The following YAP1 variants were observed in gnomAD, a reference collection of about 807,000 sequenced individuals.
The protein encoded by YAP1 is Yes1 associated transcriptional regulator, also known as transcriptional coactivator YAP1.
In YAP1, 5 loss-of-function variants were observed where a neutral mutation model predicts 56.9. The ratio of observed to expected loss-of-function variants is 0.09; its 90% CI spans 0.05 to 0.18. YAP1 has a LOEUF of 0.18. Ranked by LOEUF, YAP1 falls within the 10% of genes least tolerant of loss-of-function variation. The probability of loss-of-function intolerance (pLI) is 1.00; values close to 1 mark genes in which losing one functional copy is unlikely to be tolerated. For missense variants in YAP1, 539 were observed against 651.8 expected, an observed-to-expected ratio of 0.83 and a Z score of 1.88; for synonymous variants, 265 against 248.1, an observed-to-expected ratio of 1.07 and a Z score of -0.64.
chr11:102,156,212 T>G (rs1945935080), intron 2 of YAP1, among the ~76,000 whole-genome samples: 1 of 152,216 alleles, frequency 6.6e-6, no homozygotes, highest in Non-Finnish European at 1.5e-5. Flanking sequence ...CAGTAGAATA[T>G]GAGAAAACCA....
At chr11:102,114,665 A>T (rs1372043602) in intron 2 of YAP1, among the ~76,000 whole-genome samples, 1 of 152,176 alleles carries the variant, frequency 6.6e-6, no homozygotes. Context: ...GGTTATTCTC[A>T]TTTTGAGCTT....
At chr11:102,144,875 CACA>C (rs1945233893) in intron 2 of YAP1, among the ~76,000 whole-genome samples, 1 of 44,562 alleles carries the variant, frequency 2.2e-5, no homozygotes, top group South Asian at 1.7e-3. Context: ...CACACACACA[CACA>C]TACACACACT....
At chr11:102,160,491 G>A (rs374610573) in intron 2 of YAP1, among the ~76,000 whole-genome samples, 1 of 152,188 alleles carries the variant, frequency 6.6e-6, no homozygotes, top group Non-Finnish European at 1.5e-5. Flanking sequence ...CAGAGTTTAT[G>A]TGCTAGTTCT....
At chr11:102,162,731 G>A (rs1275192204) in intron 3 of YAP1, among the ~76,000 whole-genome samples, 160 bp downstream of exon 3, 5 of 152,162 alleles carry the variant, frequency 3.3e-5, no homozygotes, top group African/African-American at 9.7e-5. Context: ...TTAAAATAAC[G>A]TAAGCTATAT....
chr11:102,154,110 A>G (rs1188112291), intron 2 of YAP1, among the ~76,000 whole-genome samples: 2 of 152,210 alleles, frequency 1.3e-5, no homozygotes, highest in South Asian at 2.1e-4. Flanking sequence ...ATTTCATAGT[A>G]TAATGGAATT....
intron 1 of YAP1, among the ~76,000 whole-genome samples, chr11:102,112,037 T>A (rs530970630): frequency 6.6e-6 from 1 of 152,222 alleles, no homozygotes; most frequent in African/African-American, 2.4e-5. Context: ...TGTAGACTAT[T>A]ATTTACAGTC....
At chr11:102,221,219 G>A (rs2135689132) in intron 6 of YAP1, among the ~76,000 whole-genome samples, 1 of 152,328 alleles carries the variant, frequency 6.6e-6, no homozygotes, top group South Asian at 2.1e-4. Context: ...GAAGAGATCA[G>A]TAAATTTGAG....
intron 2 of YAP1, among the ~76,000 whole-genome samples, chr11:102,156,639 A>G (rs1326366590): frequency 6.6e-6 from 1 of 152,166 alleles, no homozygotes; most frequent in Non-Finnish European, 1.5e-5. Flanking sequence ...TGTTTTCTAT[A>G]TCATGAAATC....
intron 3 of YAP1, among the ~76,000 whole-genome samples, chr11:102,165,764 G>T (rs1202362807): frequency 6.6e-6 from 1 of 152,060 alleles, no homozygotes; most frequent in Admixed American, 6.5e-5. Flanking sequence ...GTTAACCAGG[G>T]ATAGGATAAC....
intron 2 of YAP1, among the ~76,000 whole-genome samples, chr11:102,125,955 C>A (rs1020148416): frequency 6.6e-6 from 1 of 152,036 alleles, no homozygotes; most frequent in Admixed American, 6.6e-5. Flanking sequence ...CTAGCTAAGT[C>A]TGCCAGTCTG....
rs181896012 is a variant in YAP1 at position 102,146,485 on chromosome 11, C to A, written c.573-15971C>A. On this transcript the variant is annotated intron_variant, in intron 2 of 8. Transcript: ENST00000282441. ...TGCTCTTTACTACTTCAGCTACTTA[C>A]CCTGAGAAGGTCTTACACACCCCTC... Among the ~76,000 whole-genome samples, 885 of 152,302 alleles carry A rather than the reference C, an allele frequency of 5.8e-3. 7 individuals carry two copies. The highest frequency in any genetic ancestry group is 0.02 in the African/African-American group (826 of 41,552).
intron 2 of YAP1, among the ~76,000 whole-genome samples, chr11:102,145,835 C>T (rs1281750673): frequency 6.6e-6 from 1 of 152,194 alleles, no homozygotes; most frequent in East Asian, 1.9e-4. Flanking sequence ...TTCCTTACTC[C>T]TTTGCTCACT....
intron 4 of YAP1, among the ~76,000 whole-genome samples, chr11:102,199,214 G>C (rs901697010): frequency 2.0e-5 from 3 of 152,182 alleles, no homozygotes; most frequent in Non-Finnish European, 2.9e-5. Context: ...GGAGATGTCA[G>C]TATTGATGGT....
intron 2 of YAP1, among the ~76,000 whole-genome samples, chr11:102,125,088 A>G (rs538749397): frequency 8.8e-5 from 13 of 147,988 alleles, no homozygotes; most frequent in Non-Finnish European, 1.8e-4. Flanking sequence ...CCAGGCTGGA[A>G]TGCAGTGGCA....
Position 102,228,427 on chromosome 11 carries a change from A to C in YAP1, c.1276+846A>C, listed in dbSNP as rs576202967. 4.6e-5 allele frequency among the ~76,000 whole-genome samples: 7 copies of C among 151,732 alleles called. No homozygotes were observed. The East Asian group carries it at 1.4e-3, about 30-fold the overall frequency. On this transcript the variant is annotated intron_variant, in intron 8 of 8. Transcript: ENST00000282441. ...AGGTAGCCAGATCACGTGAGGTCATAAGTTCAAGACCAGCCTGGCCAACAT... is the reference window on the plus strand; with the variant it reads ...AGGTAGCCAGATCACGTGAGGTCATCAGTTCAAGACCAGCCTGGCCAACAT...
intron 2 of YAP1, among the ~76,000 whole-genome samples, chr11:102,120,823 C>CT (rs372500704): frequency 9.3e-4 from 142 of 152,276 alleles, no homozygotes; most frequent in African/African-American, 3.3e-3. Context: ...TTACTGTGTG[C>CT]TTTGACAAAA....
chr11:102,182,099 G>A (rs567544334), intron 3 of YAP1, among the ~76,000 whole-genome samples: 15 of 152,256 alleles, frequency 9.9e-5, no homozygotes, highest in Admixed American at 6.5e-4. Flanking sequence ...GATTACAGGC[G>A]TGAGCCACCA....
rs1205091410 is a variant in YAP1 at position 102,227,653 on chromosome 11, A to AT, written c.1276+74dup. 11 of 1,002,696 alleles carry AT rather than the reference A, an allele frequency of 1.1e-5. No individual in the cohort carries two copies. In the East Asian group the frequency reaches 2.7e-4, roughly 25 times the overall value. 62.1% of individuals were successfully genotyped at this position (1,002,696 alleles called of 1,614,324 possible). On this transcript the variant is annotated intron_variant, in intron 8 of 8. Coordinates refer to ENST00000282441, the MANE Select transcript of YAP1 (RefSeq NM_001130145.3). Reference sequence around the variant, plus strand: ...ATGTTATCACCAGGTCTCATAAGGTATTGTAAGCAAAGATGATTCAGAAGA... The same window carrying AT: ...ATGTTATCACCAGGTCTCATAAGGTATTTGTAAGCAAAGATGATTCAGAAGA...
rs67023819 is a variant in YAP1, at chr11:102,161,053, CTTTTTTTTTTTTTTTT to C, written c.573-1393_573-1378del. ...GGCCAGTGTCACCAATAATTTCTTT[CTTTTTTTTTTTTTTTT>C]TTTTTTTTTGAGATGGAATCTGGCT... On this transcript the variant is annotated intron_variant, in intron 2 of 8. Coordinates refer to ENST00000282441, the MANE Select transcript of YAP1 (RefSeq NM_001130145.3). 4.9e-3 allele frequency among the ~76,000 whole-genome samples: 369 copies of C among 75,518 alleles called. 2 individuals carry two copies. Among genetic ancestry groups the C allele is most frequent in the South Asian group, 0.013 (25 of 1,866 alleles). 49.5% of individuals were successfully genotyped at this position (75,518 alleles called of 152,430 possible). A position where few individuals can be genotyped will look rare whatever the true frequency, so the allele number is the denominator to read the frequency against.
Sources: allele counts gnomAD v4.1 joint callset (sites outside exome capture counted in the v4.1 genomes callset), GRCh38; gene constraint gnomAD v4.1.1; transcripts MANE v1.5; gene names NCBI Gene and HGNC (gene_info 2026-07-23, HGNC 2026-07-21).